The following NFAT5 variants were observed in gnomAD, a reference collection of about 807,000 sequenced individuals.
NFAT5 encodes nuclear factor of activated T-cells 5.
A neutral mutation model predicts 166.5 loss-of-function variants in NFAT5; 31 were observed. The observed-to-expected ratio is 0.19, with a 90% confidence interval of 0.14 to 0.25. The LOEUF (loss-of-function observed/expected upper bound fraction) is 0.25, where lower values mean the gene tolerates loss of function less well. NFAT5 is among the 10% of genes least tolerant of loss of function. NFAT5 has a pLI of 1.00. For missense variants in NFAT5, 1,449 were observed against 1,821.8 expected (o/e 0.80, Z 3.72); for synonymous variants, 612 against 639.7 (o/e 0.96, Z 0.65).
intron 10 of NFAT5, among the ~76,000 whole-genome samples, chr16:69,679,269 T>A (rs2036958345): frequency 6.6e-6 from 1 of 151,990 alleles, no homozygotes; most frequent in African/African-American, 2.4e-5. Flanking sequence ...TTTTGCAACA[T>A]TATTTTCTAC....
intron 13 of NFAT5, 50 bp downstream of exon 13, chr16:69,694,289 A>G (rs1440822763): frequency 7.0e-7 from 1 of 1,432,494 alleles, no homozygotes; most frequent in East Asian, 2.4e-5. Flanking sequence ...TTATTATTAG[A>G]AGGAAGCAGA....
chr16:69,617,149 A>G (rs2033990205), intron 2 of NFAT5, among the ~76,000 whole-genome samples: 2 of 151,908 alleles, frequency 1.3e-5, no homozygotes, highest in African/African-American at 2.4e-5. Context: ...TCACCGTGTT[A>G]GCCAGGATGG....
chr16:69,616,030 A>G (rs2033927389), intron 2 of NFAT5, among the ~76,000 whole-genome samples: 2 of 152,008 alleles, frequency 1.3e-5, no homozygotes, highest in Admixed American at 6.5e-5. Context: ...AATCCTACCT[A>G]AAACTGCCCT....
chr16:69,627,494 A>T (rs2034525107), intron 3 of NFAT5, among the ~76,000 whole-genome samples: 1 of 151,912 alleles, frequency 6.6e-6, no homozygotes, highest in African/African-American at 2.4e-5. Flanking sequence ...AAATTATTTT[A>T]GTTTCAAAAT....
At chr16:69,659,233 G>A (rs2036021915) in intron 6 of NFAT5, among the ~76,000 whole-genome samples, 1 of 151,672 alleles carries the variant, frequency 6.6e-6, no homozygotes, top group Non-Finnish European at 1.5e-5. Flanking sequence ...CTTGAGGACA[G>A]GAGTTCAAGA....
chr16:69,673,119 A>G (rs1244135581), intron 9 of NFAT5, among the ~76,000 whole-genome samples: 1 of 152,164 alleles, frequency 6.6e-6, no homozygotes, highest in African/African-American at 2.4e-5. Context: ...TTAAAGAATA[A>G]TAATCATAAA....
At chr16:69,579,331 A>G (rs563783703) in intron 2 of NFAT5, among the ~76,000 whole-genome samples, 2 of 152,160 alleles carry the variant, frequency 1.3e-5, no homozygotes, top group East Asian at 3.9e-4. Context: ...TTTTTAAAGA[A>G]CTTTTCATTT....
chr16:69,691,834 C>G lies in NFAT5; in HGVS notation c.2009C>G (p.Ser670Cys). 1.2e-6 allele frequency: 2 copies of G among 1,614,168 alleles called. No individual in the cohort carries two copies. Among genetic ancestry groups the G allele is most frequent in the East Asian group, 2.2e-5 (1 of 44,886 alleles). Residue 670 changes from serine (S) to cysteine (C), a missense_variant, in exon 13 of 15, where the codon TCT becomes TGT. Physicochemically the swap from Ser to Cys is moderately radical, Grantham distance 112 (BLOSUM62 -1). Around this residue, in one of 7 missense-constraint regions of NFAT5, gnomAD observed 245 missense variants for 366.6 expected, o/e 0.67. Transcript: ENST00000349945. ...AATGGCTCTTTTTCATCACCATCAT[C>G]TTCCCACCTACCTTCTGAAAATGAA... ...AGNGSFSSPS[S>C]SHLPSENEKQ...
At position 69,647,385 on chromosome 16, in the gene NFAT5, T is replaced by C. The variant is rs1335414492; in HGVS notation, c.611T>C (p.Met204Thr). Residue 204 changes from methionine (M) to threonine (T), a missense_variant, in exon 4 of 15, where the codon ATG becomes ACG. Physicochemically the swap from Met to Thr is moderately conservative, Grantham distance 81. This residue lies in a region of NFAT5 where 115 missense variants were observed against 177.1 expected (regional missense o/e 0.65). Coordinates refer to ENST00000349945, the MANE Select transcript of NFAT5 (RefSeq NM_138713.4). This position sits in a 1 kb window ranked among gnomAD's most constrained non-coding sequence, Gnocchi z 4.8. The part of the protein sequence containing the change: ...MEDSPSNFSN[M>T]STSSYNDNTE... ...GATTCCCCCTCCAACTTCAGTAACA[T>C]GAGCACCAGTTCCTACAATGATAAC... 1.9e-6 allele frequency: 3 copies of C among 1,614,146 alleles called. No individual in the cohort carries two copies. Among genetic ancestry groups the C allele is most frequent in the East Asian group, 2.2e-5 (1 of 44,878 alleles).
At position 69,692,892 on chromosome 16, in the gene NFAT5, T is replaced by C; in HGVS notation, c.3067T>C (p.Phe1023Leu). 6.2e-7 allele frequency: 1 copy of C among 1,614,190 alleles called. No individual in the cohort carries two copies. The highest frequency in any genetic ancestry group is 8.5e-7 in the Non-Finnish European group (1 of 1,180,036). ...TQAKQIQNSVFQTMVQMQHSG... is the reference protein window; with the variant it reads ...TQAKQIQNSVLQTMVQMQHSG... ...AGCAAAACAGATTCAGAACAGTGTC[T>C]TTCAGACCATGGTCCAAATGCAACA... Residue 1023 changes from phenylalanine to leucine, a missense_variant, in exon 13 of 15, where the codon TTT becomes CTT. By Grantham distance (22) the Phe-to-Leu change is conservative (BLOSUM62 0). This residue lies in a region of NFAT5 where 891 missense variants were observed against 993.0 expected (regional missense o/e 0.90). Coordinates refer to ENST00000349945, the MANE Select transcript of NFAT5 (RefSeq NM_138713.4).
rs1423579088 is a variant in NFAT5, at chr16:69,701,891, A to G, written c.*5540A>G. On this transcript the variant is annotated 3_prime_UTR_variant, in exon 15 of 15. Coordinates refer to ENST00000349945, the MANE Select transcript of NFAT5 (RefSeq NM_138713.4). ...TAGACAAAAAGTGTCAAAGGAAATGAGAAAAAGGTTATATCTGACTCCCTC... is the reference window on the plus strand; with the variant it reads ...TAGACAAAAAGTGTCAAAGGAAATGGGAAAAAGGTTATATCTGACTCCCTC... The G allele has an allele frequency of 6.6e-6, 1 of 152,212 alleles. No individual in the cohort carries two copies. The highest frequency in any genetic ancestry group is 2.4e-5 in the African/African-American group (1 of 41,452). 9.4% of individuals were successfully genotyped at this position (152,212 alleles called of 1,614,324 possible).
At chr16:69,587,970 T>TTG (rs1567521366) in intron 2 of NFAT5, among the ~76,000 whole-genome samples, 7 of 138,934 alleles carry the variant, frequency 5.0e-5, no homozygotes, top group South Asian at 2.2e-4. Context: ...TTTTTTTTTT[T>TTG]GGGACAGAGT....
intron 12 of NFAT5, 33 bp from the exon 13 acceptor site, chr16:69,691,716 T>A: frequency 6.6e-7 from 1 of 1,522,580 alleles, no homozygotes; most frequent in Non-Finnish European, 8.9e-7. Flanking sequence ...AATGTTTATA[T>A]ATTCATAATA....
At chr16:69,628,515 A>G (rs149703193) in intron 3 of NFAT5, among the ~76,000 whole-genome samples, 1 of 152,324 alleles carries the variant, frequency 6.6e-6, no homozygotes, top group Non-Finnish European at 1.5e-5. Context: ...TTATTCTAGG[A>G]TTCTAATAGC....
intron 11 of NFAT5, among the ~76,000 whole-genome samples, chr16:69,689,296 T>C (rs1259008000): frequency 3.3e-5 from 5 of 151,998 alleles, no homozygotes; most frequent in African/African-American, 1.2e-4. Context: ...AAAATAAAAA[T>C]CTGGTTGTTA....
chr16:69,596,675 G>A (rs189130727), intron 2 of NFAT5, among the ~76,000 whole-genome samples: 179 of 148,436 alleles, frequency 1.2e-3, no homozygotes, highest in African/African-American at 4.1e-3. Flanking sequence ...CCGAGATCGC[G>A]CCATTGCACT....
chr16:69,697,954 T>A lies in NFAT5; in HGVS notation c.*1603T>A, dbSNP rs202129734. Reference sequence around the variant, plus strand: ...CTTTTCTGTTCTTTTTTTTTTTTTTTTTCTATCCTGTACATTTAGTTGAAC... The same window carrying A: ...CTTTTCTGTTCTTTTTTTTTTTTTTATTCTATCCTGTACATTTAGTTGAAC... On this transcript the variant is annotated 3_prime_UTR_variant, in exon 15 of 15. Coordinates refer to ENST00000349945, the MANE Select transcript of NFAT5 (RefSeq NM_138713.4). 5 of 151,902 alleles carry A rather than the reference T, an allele frequency of 3.3e-5. No individual in the cohort carries two copies. Among genetic ancestry groups the A allele is most frequent in the Non-Finnish European group, 7.4e-5 (5 of 67,934 alleles). The allele number at this position is 151,902 out of a possible 1,614,324, so 9.4% of individuals were successfully genotyped here.
intron 2 of NFAT5, among the ~76,000 whole-genome samples, chr16:69,575,005 A>G (rs567524950): frequency 2.6e-4 from 40 of 151,874 alleles, no homozygotes; most frequent in Non-Finnish European, 5.0e-4. Context: ...TATGTGGTAA[A>G]TAGGTAATGA....
At chr16:69,571,196 C>G (rs1174881655) in intron 2 of NFAT5, among the ~76,000 whole-genome samples, 1 of 145,208 alleles carries the variant, frequency 6.9e-6, no homozygotes, top group African/African-American at 2.6e-5. Context: ...ACCAACTACT[C>G]GCGATGCTGA....
Sources: gnomAD v4.1 joint callset for allele counts (sites outside exome capture counted in the v4.1 genomes callset) on GRCh38, gnomAD v4.1.1 for gene constraint, gnomAD v4.1.1 regional missense constraint, Gnocchi (gnomAD v3.1) non-coding constraint, MANE v1.5 for transcripts, NCBI Gene and HGNC (gene_info 2026-07-23, HGNC 2026-07-21) for gene names.